The following VBP1 variants were observed in gnomAD, a reference collection of about 807,000 sequenced individuals.
VBP1 encodes prefoldin subunit 3.
A neutral mutation model predicts 15.5 loss-of-function variants in VBP1; 4 were observed. That is an observed-to-expected ratio of 0.26 (90% confidence interval 0.13 to 0.59). The LOEUF (loss-of-function observed/expected upper bound fraction) is 0.59, where lower values mean the gene tolerates loss of function less well. VBP1 is among the 20% of genes least tolerant of loss of function. VBP1 has a pLI of 0.90. For missense variants in VBP1, 108 were observed against 139.6 expected, an observed-to-expected ratio of 0.77 and a Z score of 1.14; for synonymous variants, 61 against 52.1, an observed-to-expected ratio of 1.17 and a Z score of -0.74.
At chrX:155,219,152 A>G (rs1602880521) in intron 1 of VBP1, among the ~76,000 whole-genome samples, 1 of 111,884 alleles carries the variant, frequency 8.9e-6, no homozygotes, top group Non-Finnish European at 1.9e-5. Context: ...CAGCTAAGAT[A>G]TTCTCTGGTA....
intron 5 of VBP1, among the ~76,000 whole-genome samples, chrX:155,236,666 A>G (rs1342840014): frequency 3.6e-5 from 4 of 112,660 alleles, no homozygotes; most frequent in Non-Finnish European, 5.6e-5. Flanking sequence ...GCTAATATAA[A>G]GGTTATAGAT....
intron 3 of VBP1, 71 bp from the exon 4 acceptor site, chrX:155,228,313 A>G: frequency 1.6e-5 from 13 of 828,723 alleles, no homozygotes; most frequent in Non-Finnish European, 2.3e-5. Flanking sequence ...CAACTGTGCA[A>G]TCTCTCCTTT....
At chrX:155,214,343 C>G (rs1276086155), upstream of VBP1, among the ~76,000 whole-genome samples, 3 of 112,317 alleles carry the variant, frequency 2.7e-5, no homozygotes, top group African/African-American at 9.7e-5. Flanking sequence ...CAAAAGCATC[C>G]TGTCAGAATT....
At chrX:155,207,616 G>T (rs2074630481) in intron 1 of VBP1, among the ~76,000 whole-genome samples, 1 of 111,696 alleles carries the variant, frequency 9.0e-6, no homozygotes, top group African/African-American at 3.3e-5. Flanking sequence ...ATGGGGCTGA[G>T]ACAGGAGGAA....
intron 5 of VBP1, among the ~76,000 whole-genome samples, chrX:155,236,630 T>C (rs1210076123): frequency 8.0e-5 from 9 of 112,117 alleles, no homozygotes; most frequent in African/African-American, 2.9e-4. Flanking sequence ...CTTACATTGC[T>C]TTAGTGGGAA....
intron 1 of VBP1, among the ~76,000 whole-genome samples, chrX:155,217,762 T>C (rs1230600533): frequency 1.8e-5 from 2 of 111,687 alleles, no homozygotes; most frequent in Admixed American, 1.9e-4. Context: ...ACTACTGTTA[T>C]GCCCGTTTTT....
intron 1 of VBP1, among the ~76,000 whole-genome samples, chrX:155,207,713 T>A (rs2074630894): frequency 8.9e-6 from 1 of 112,016 alleles, no homozygotes; most frequent in Non-Finnish European, 1.9e-5. Context: ...ATGTGGGTAT[T>A]TTTTTAAGAT....
rs10183119 is a variant in VBP1 at position 155,202,120 on chromosome X, G to C, written c.-31+4981G>C. On this transcript the variant is annotated intron_variant, in intron 1 of 6. Transcript: ENST00000535916. ...TCAATGAAATAAAAGAGGATACAAA[G>C]AAATGGAAGAACATTCCATGCTCAT... Among the ~76,000 whole-genome samples the C allele has an allele frequency of 6.3e-5, 7 of 111,420 alleles. No individual in the cohort carries two copies. In the East Asian group the frequency reaches 1.1e-3, roughly 18 times the overall value.
chrX:155,212,262 G>C (rs782612338), upstream of VBP1, among the ~76,000 whole-genome samples: 3 of 111,702 alleles, frequency 2.7e-5, no homozygotes, highest in African/African-American at 9.8e-5. Flanking sequence ...TAAGGAGTCC[G>C]GCCCAAAGGA....
At chrX:155,198,365 A>G (rs1400252858) in intron 1 of VBP1, among the ~76,000 whole-genome samples, 2 of 111,926 alleles carry the variant, frequency 1.8e-5, no homozygotes, top group Non-Finnish European at 3.8e-5. Flanking sequence ...CACCCCTAGT[A>G]GGGGCAGACT....
intron 1 of VBP1, among the ~76,000 whole-genome samples, chrX:155,208,277 C>A (rs1056481041): frequency 4.5e-5 from 5 of 112,147 alleles, no homozygotes; most frequent in Non-Finnish European, 9.4e-5. Flanking sequence ...AAAATCTGAG[C>A]TCATAAAGTA....
intron 4 of VBP1, among the ~76,000 whole-genome samples, chrX:155,232,988 C>CAGTA (rs1435011427): frequency 8.9e-6 from 1 of 112,579 alleles, no homozygotes; most frequent in Non-Finnish European, 1.9e-5. Context: ...GAATACTATA[C>CAGTA]AGTACAGAGG....
intron 2 of VBP1, among the ~76,000 whole-genome samples, chrX:155,224,408 C>T (rs915342882): frequency 5.3e-5 from 6 of 112,399 alleles, no homozygotes; most frequent in Non-Finnish European, 1.1e-4. Context: ...GAGACCAGCC[C>T]GGCCAACACA....
intron 1 of VBP1, among the ~76,000 whole-genome samples, chrX:155,203,747 C>G (rs1443733395): frequency 9.1e-6 from 1 of 110,331 alleles, no homozygotes; most frequent in African/African-American, 3.3e-5. Context: ...TACCCTAAAA[C>G]TTAAAGTATA....
At chrX:155,234,434 A>G (rs1036103669) in intron 4 of VBP1, among the ~76,000 whole-genome samples, 3 of 110,940 alleles carry the variant, frequency 2.7e-5, no homozygotes, top group Non-Finnish European at 3.8e-5. Context: ...TGTTTCTTCT[A>G]TATCAAGAAT....
chrX:155,204,987 C>G (rs1185602388), intron 1 of VBP1, among the ~76,000 whole-genome samples: 5 of 112,178 alleles, frequency 4.5e-5, no homozygotes, highest in African/African-American at 1.6e-4. Flanking sequence ...TAATGGGAGA[C>G]ATTGTTAATA....
chrX:155,211,879 A>C (rs188756346), upstream of VBP1, among the ~76,000 whole-genome samples: 720 of 111,068 alleles, frequency 6.5e-3, 5 homozygotes, highest in Non-Finnish European at 9.8e-3. Flanking sequence ...CATGTCTCAA[A>C]CCCTTGAGTT....
chrX:155,204,634 A>G (rs782007989), intron 1 of VBP1, among the ~76,000 whole-genome samples: 1 of 112,236 alleles, frequency 8.9e-6, no homozygotes, highest in Non-Finnish European at 1.9e-5. Flanking sequence ...TAACAGTAAT[A>G]AAGAAAGGAA....
At chrX:155,233,421 A>G (rs1364364806) in intron 4 of VBP1, among the ~76,000 whole-genome samples, 1 of 111,778 alleles carries the variant, frequency 8.9e-6, no homozygotes, top group Non-Finnish European at 1.9e-5. Flanking sequence ...TACACTTTAG[A>G]TCTTTCAAAC....
Sources: allele counts gnomAD v4.1 joint callset (sites outside exome capture counted in the v4.1 genomes callset), GRCh38; gene constraint gnomAD v4.1.1; transcripts MANE v1.5; gene names NCBI Gene and HGNC (gene_info 2026-07-23, HGNC 2026-07-21).